DPH6: variants seen among roughly 807,000 people sequenced by gnomAD.
The protein encoded by DPH6 is diphthine--ammonia ligase.
Under a neutral mutation model 38.2 loss-of-function variants are expected in DPH6, and 33 were observed. That is an observed-to-expected ratio of 0.86 (90% CI 0.65 to 1.15). The LOEUF (loss-of-function observed/expected upper bound fraction) is 1.15, where lower values mean the gene tolerates loss of function less well. DPH6 is among the 50% of genes most tolerant of loss of function. The probability of loss-of-function intolerance (pLI) is 0.00; values close to 1 mark genes in which losing one functional copy is unlikely to be tolerated. For synonymous variants in DPH6, 108 were observed against 103.0 expected, an observed-to-expected ratio of 1.05 and a Z score of -0.30; for missense variants, 325 against 320.0, an observed-to-expected ratio of 1.02 and a Z score of -0.12.
At chr15:35,317,718 A>G (rs2140838580) in intron 3 of DPH6, among the ~76,000 whole-genome samples, 1 of 152,254 alleles carries the variant, frequency 6.6e-6, no homozygotes, top group South Asian at 2.1e-4. Flanking sequence ...AACAGTAATT[A>G]TTATGTCTTC....
chr15:35,188,422 C>T, the DPH6 span, among the ~76,000 whole-genome samples: 1 of 152,090 alleles, frequency 6.6e-6, no homozygotes, highest in African/African-American at 2.4e-5. Context: ...AGGGAAGAAT[C>T]AAGACAGAAG....
chr15:35,488,286 G>A (rs1211442541), intron 3 of DPH6, among the ~76,000 whole-genome samples: 3 of 152,038 alleles, frequency 2.0e-5, no homozygotes, highest in Non-Finnish European at 4.4e-5. Flanking sequence ...CACATTTTCA[G>A]TTATCTTTCT....
intron 3 of DPH6, among the ~76,000 whole-genome samples, chr15:35,283,926 T>C (rs2051920394): frequency 6.6e-6 from 1 of 152,224 alleles, no homozygotes; most frequent in Non-Finnish European, 1.5e-5. Flanking sequence ...GTGATTCTTC[T>C]GGGTCTCTTT....
chr15:35,186,274 A>C, the DPH6 span, among the ~76,000 whole-genome samples: 2 of 152,168 alleles, frequency 1.3e-5, no homozygotes, highest in African/African-American at 4.8e-5. Context: ...GCAGTACATA[A>C]GGTGTGAAAT....
At chr15:35,220,628 G>A (rs2051436554) in intron 3 of DPH6, 1 of 151,992 alleles carries the variant, frequency 6.6e-6, no homozygotes, top group Non-Finnish European at 1.5e-5. Context: ...ACAAGAGTGG[G>A]GTAAAGCCAC....
intron 3 of DPH6, among the ~76,000 whole-genome samples, chr15:35,503,272 T>C (rs2054651358): frequency 6.6e-6 from 1 of 152,032 alleles, no homozygotes; most frequent in African/African-American, 2.4e-5. Context: ...CTACCAAACA[T>C]AATTACTTTA....
At chr15:35,292,242 C>T (rs1032459084) in intron 3 of DPH6, among the ~76,000 whole-genome samples, 2 of 152,150 alleles carry the variant, frequency 1.3e-5, no homozygotes, top group Non-Finnish European at 2.9e-5. Flanking sequence ...ACGCTCCAGA[C>T]ACCTGATAGT....
intron 6 of DPH6, among the ~76,000 whole-genome samples, chr15:35,384,658 T>A (rs11852641): frequency 6.6e-6 from 1 of 151,562 alleles, no homozygotes; most frequent in African/African-American, 2.4e-5. Flanking sequence ...AGTGAAACTC[T>A]GTCTCAAAAA....
At chr15:35,176,760 C>T in the DPH6 span, among the ~76,000 whole-genome samples, 69 of 152,250 alleles carry the variant, frequency 4.5e-4, no homozygotes, top group Non-Finnish European at 7.4e-4. Context: ...CGTGAGCCAC[C>T]GTGCCTGGCC....
chr15:35,350,605 G>A, intron 3 of DPH6, among the ~76,000 whole-genome samples: 1 of 152,048 alleles, frequency 6.6e-6, no homozygotes, highest in East Asian at 1.9e-4. Flanking sequence ...TGCTTTTGCT[G>A]CATCCAATAA....
At chr15:35,454,236 G>A (rs564985681) in intron 4 of DPH6, among the ~76,000 whole-genome samples, 112 of 152,198 alleles carry the variant, frequency 7.4e-4, no homozygotes, top group Non-Finnish European at 1.4e-3. Flanking sequence ...GGGCTAGGAC[G>A]AGGGGAGGAA....
chr15:35,298,608 C>T (rs1323166092), intron 3 of DPH6: 5 of 849,470 alleles, frequency 5.9e-6, no homozygotes, highest in Non-Finnish European at 1.0e-5. Flanking sequence ...TTCTCCGTGG[C>T]GTCACCCACG....
intron 3 of DPH6, among the ~76,000 whole-genome samples, chr15:35,271,417 A>AT (rs1480366805): frequency 6.6e-6 from 1 of 152,224 alleles, no homozygotes; most frequent in East Asian, 1.9e-4. Flanking sequence ...AAAACATTTG[A>AT]TAAAAAACAC....
intron 3 of DPH6, among the ~76,000 whole-genome samples, chr15:35,511,853 T>C (rs2054777632): frequency 6.6e-6 from 1 of 152,196 alleles, no homozygotes; most frequent in Admixed American, 6.5e-5. Context: ...TTGCAAAGTC[T>C]AAATAATGAT....
chr15:35,368,610 T>C (rs1267754694), downstream of DPH6, among the ~76,000 whole-genome samples: 2 of 151,904 alleles, frequency 1.3e-5, no homozygotes, highest in Non-Finnish European at 2.9e-5. Flanking sequence ...GATGGAAATA[T>C]GTGCATATTA....
At chr15:35,441,133 T>C (rs148778741) in intron 5 of DPH6, among the ~76,000 whole-genome samples, 2,630 of 152,262 alleles carry the variant, frequency 0.017, 80 homozygotes, top group African/African-American at 0.06. Flanking sequence ...CCAGTTAGAA[T>C]GGTGATCTTT....
At chr15:35,523,443 C>A (rs1192504821) in intron 3 of DPH6, among the ~76,000 whole-genome samples, 1 of 151,590 alleles carries the variant, frequency 6.6e-6, no homozygotes, top group Non-Finnish European at 1.5e-5. Flanking sequence ...ATTAAAAGAT[C>A]CTATTAAGGT....
intron 3 of DPH6, among the ~76,000 whole-genome samples, chr15:35,503,301 G>C (rs2054651685): frequency 1.3e-5 from 2 of 151,912 alleles, no homozygotes; most frequent in Admixed American, 1.3e-4. Context: ...TTTAACTGAA[G>C]TTAAATTTTA....
intron 3 of DPH6, among the ~76,000 whole-genome samples, chr15:35,336,909 T>C (rs1410023499): frequency 1.1e-4 from 16 of 152,114 alleles, no homozygotes; most frequent in Non-Finnish European, 2.4e-4. Flanking sequence ...AAAATTCTCT[T>C]TTTTGGTTGT....
Sources: allele counts gnomAD v4.1 joint callset (sites outside exome capture counted in the v4.1 genomes callset), GRCh38; gene constraint gnomAD v4.1.1; transcripts MANE v1.5; gene names NCBI Gene and HGNC (gene_info 2026-07-23, HGNC 2026-07-21).